EYS: variants seen among roughly 807,000 people sequenced by gnomAD.
EYS encodes the protein protein eyes shut homolog.
In EYS, 250 loss-of-function variants were observed where a neutral mutation model predicts 282.1. The ratio of observed to expected loss-of-function variants is 0.89; its 90% CI spans 0.80 to 0.98. The LOEUF is 0.98. EYS is among the 50% of genes least tolerant of loss of function. The pLI is 0.00. For missense variants in EYS, 4,016 were observed against 3,709.0 expected (o/e 1.08, Z -2.15); for synonymous variants, 1,355 against 1,282.9 (o/e 1.06, Z -1.20).
At chr6:65,196,709 G>A (rs1394158558) in intron 12 of EYS, among the ~76,000 whole-genome samples, 2 of 152,090 alleles carry the variant, frequency 1.3e-5, no homozygotes, top group Non-Finnish European at 2.9e-5. Context: ...TAAGAGCACA[G>A]CGAATGAAGG....
intron 22 of EYS, among the ~76,000 whole-genome samples, chr6:64,672,432 A>T (rs1050955593): frequency 2.6e-5 from 4 of 152,134 alleles, no homozygotes; most frequent in African/African-American, 9.6e-5. Context: ...TTCTTAGACT[A>T]GGATTCTAAT....
chr6:64,441,030 G>A (rs190759829), intron 26 of EYS, among the ~76,000 whole-genome samples: 3 of 152,200 alleles, frequency 2.0e-5, no homozygotes, highest in East Asian at 3.9e-4. Flanking sequence ...TTACGATGAC[G>A]CTTGGGTGAA....
intron 5 of EYS, among the ~76,000 whole-genome samples, chr6:65,434,171 C>T (rs1159395764): frequency 3.3e-5 from 5 of 152,102 alleles, no homozygotes; most frequent in Non-Finnish European, 7.4e-5. Flanking sequence ...CTAAGCTTTG[C>T]TAAGAATGTG....
chr6:65,184,855 T>C (rs900796313), intron 12 of EYS, among the ~76,000 whole-genome samples: 7 of 151,818 alleles, frequency 4.6e-5, no homozygotes, highest in Admixed American at 2.6e-4. Flanking sequence ...TTCTAGGAAA[T>C]GTATTATTAA....
At chr6:65,469,835 A>C (rs1765143374) in intron 5 of EYS, among the ~76,000 whole-genome samples, 1 of 152,134 alleles carries the variant, frequency 6.6e-6, no homozygotes, top group African/African-American at 2.4e-5. Flanking sequence ...TGAGGAAATG[A>C]TGTAAGTAAA....
rs529024518 is a variant in EYS at position 64,066,056 on chromosome 6, G to A, written c.6725+282C>T. Among the ~76,000 whole-genome samples the A allele has an allele frequency of 2.0e-5, 3 of 152,216 alleles. No homozygotes were observed. The East Asian group carries it at 5.8e-4, about 29-fold the overall frequency. ...AGGAGGATGAATCATGAGGTCAGGA[G>A]TTTGAGACCAGCCTGGCCGGCATGG... On this transcript the variant is annotated intron_variant, in intron 33 of 42. Transcript: ENST00000503581.
At chr6:65,006,259 T>TAA (rs34590430) in intron 13 of EYS, among the ~76,000 whole-genome samples, 1 of 145,274 alleles carries the variant, frequency 6.9e-6, no homozygotes. Flanking sequence ...TATTAATAGT[T>TAA]AAAAAAAAAA....
At chr6:65,347,588 T>A (rs1441903382) in intron 9 of EYS, among the ~76,000 whole-genome samples, 2 of 151,306 alleles carry the variant, frequency 1.3e-5, no homozygotes, top group African/African-American at 2.4e-5. Flanking sequence ...TCCCTTTGAG[T>A]TTTTGTGGGT....
chr6:63,860,768 A>G (rs1342203557), intron 36 of EYS, among the ~76,000 whole-genome samples: 2 of 152,194 alleles, frequency 1.3e-5, no homozygotes, highest in African/African-American at 4.8e-5. Flanking sequence ...TAATAGGAGC[A>G]ACATCTATGG....
At chr6:64,005,315 A>C (rs1768292929) in intron 33 of EYS, among the ~76,000 whole-genome samples, 1 of 151,982 alleles carries the variant, frequency 6.6e-6, no homozygotes, top group Non-Finnish European at 1.5e-5. Flanking sequence ...CTTTTTAGTG[A>C]GGTTTTTTGT....
At chr6:64,627,565 T>C (rs1889496) in intron 22 of EYS, among the ~76,000 whole-genome samples, 29,995 of 152,202 alleles carry the variant, frequency 0.2, 3,509 homozygotes, top group East Asian at 0.34. Context: ...AAAGTAGAAT[T>C]TATTGGTCTG....
chr6:64,677,183 A>G (rs951023960), intron 22 of EYS, among the ~76,000 whole-genome samples: 27 of 152,122 alleles, frequency 1.8e-4, no homozygotes, highest in African/African-American at 6.3e-4. Flanking sequence ...GTCTTATCAC[A>G]ATCTCCCCAA....
chr6:64,750,430 A>T (rs1471363536), intron 22 of EYS, among the ~76,000 whole-genome samples: 1 of 151,688 alleles, frequency 6.6e-6, no homozygotes, highest in Non-Finnish European at 1.5e-5. Flanking sequence ...TAAAAAAAAA[A>T]AAGCTTTCTT....
At chr6:64,628,492 T>C (rs4710278) in intron 22 of EYS, among the ~76,000 whole-genome samples, 72,571 of 151,940 alleles carry the variant, frequency 0.48, 17,544 homozygotes, top group South Asian at 0.57. Flanking sequence ...TATAGCTCAC[T>C]GTAATATAAA....
At chr6:65,110,669 A>T (rs1232385920) in intron 12 of EYS, among the ~76,000 whole-genome samples, 1 of 152,022 alleles carries the variant, frequency 6.6e-6, no homozygotes, top group Non-Finnish European at 1.5e-5. Context: ...ATTAAAGTAC[A>T]TATTTTAAAA....
chr6:64,790,722 T>C (rs1279934379), intron 22 of EYS, among the ~76,000 whole-genome samples: 1 of 151,916 alleles, frequency 6.6e-6, no homozygotes, highest in Non-Finnish European at 1.5e-5. Context: ...CTCATCTGTT[T>C]CTTACTTCTA....
chr6:64,373,944 T>C (rs1052510225), intron 29 of EYS, among the ~76,000 whole-genome samples: 2 of 152,018 alleles, frequency 1.3e-5, no homozygotes, highest in Non-Finnish European at 2.9e-5. Flanking sequence ...CTAATAGGCA[T>C]TAGCTGCCTG....
At chr6:64,230,405 T>G (rs1766390216) in intron 31 of EYS, among the ~76,000 whole-genome samples, 187 bp downstream of exon 31, 1 of 152,200 alleles carries the variant, frequency 6.6e-6, no homozygotes, top group African/African-American at 2.4e-5. Context: ...GCAGAAAACA[T>G]CTTAGGTTTG....
chr6:64,520,735 C>G (rs1777711017), intron 26 of EYS, among the ~76,000 whole-genome samples: 1 of 151,526 alleles, frequency 6.6e-6, no homozygotes, highest in Non-Finnish European at 1.5e-5. Context: ...TTTACTTGTC[C>G]AGTGAACCAC....
Sources: allele counts gnomAD v4.1 joint callset (sites outside exome capture counted in the v4.1 genomes callset), GRCh38; gene constraint gnomAD v4.1.1; transcripts MANE v1.5; gene names NCBI Gene and HGNC (gene_info 2026-07-23, HGNC 2026-07-21).